FRMPD1: variants seen among roughly 807,000 people sequenced by gnomAD.
The protein encoded by FRMPD1 is FERM and PDZ domain containing 1.
A neutral mutation model predicts 117.8 loss-of-function variants in FRMPD1; 76 were observed. The observed-to-expected ratio is 0.65, with a 90% CI of 0.54 to 0.78. FRMPD1 has a LOEUF of 0.78. Ranked by LOEUF, FRMPD1 falls within the 30% of genes least tolerant of loss-of-function variation. The pLI is 0.00. For missense variants in FRMPD1, 1,786 were observed against 1,964.5 expected, an observed-to-expected ratio of 0.91 and a Z score of 1.72; for synonymous variants, 783 against 770.4, an observed-to-expected ratio of 1.02 and a Z score of -0.27.
chr9:37,641,657 A>C, the FRMPD1 span, among the ~76,000 whole-genome samples: 1 of 152,168 alleles, frequency 6.6e-6, no homozygotes, highest in Non-Finnish European at 1.5e-5. Context: ...TTTTTAAGAA[A>C]ATCTAGATCA....
chr9:37,692,567 C>T (rs894065369), intron 1 of FRMPD1, 71 bp from the exon 2 acceptor site: 9 of 963,390 alleles, frequency 9.3e-6, no homozygotes, highest in African/African-American at 6.4e-5. Context: ...AAGGAAGCAT[C>T]GTCCTGATTT....
Position 37,746,893 on chromosome 9 carries a change from T to A in FRMPD1, c.*124T>A. The A allele has an allele frequency of 1.5e-6, 1 of 662,034 alleles. No homozygotes were observed. 41.0% of individuals were successfully genotyped at this position (662,034 alleles called of 1,614,324 possible). A position where few individuals can be genotyped will look rare whatever the true frequency, so the allele number is the denominator to read the frequency against. ...TATATAGAGTATTCAAATAAACTGC[T>A]GCTTAATCTTGGCCTGAGTCATAGA... On this transcript the variant is annotated 3_prime_UTR_variant, in exon 16 of 16. Transcript: ENST00000377765.
At chr9:37,651,523 T>C (rs935805865) in intron 1 of FRMPD1, among the ~76,000 whole-genome samples, 11 of 152,176 alleles carry the variant, frequency 7.2e-5, no homozygotes, top group African/African-American at 2.7e-4. Flanking sequence ...ATGCCTGTGT[T>C]GTCATTTTTT....
rs756217350 is a variant in FRMPD1 at position 37,745,115 on chromosome 9, C to T, written c.3083C>T (p.Ala1028Val). The T allele has an allele frequency of 2.5e-6, 4 of 1,613,902 alleles. No homozygotes were observed. Among genetic ancestry groups the T allele is most frequent in the Non-Finnish European group, 1.7e-6 (2 of 1,179,818 alleles). ...GDPNPDRACL[A>V]SNPGLNNVSQ... ...CCTAACCCAGACAGAGCCTGCCTGG[C>T]CAGCAACCCAGGACTAAATAATGTC... The change falls in exon 16 of 16, where the codon GCC becomes GTC. Residue 1028 changes from alanine (A) to valine (V), a missense_variant. Ala to Val is a moderately conservative substitution (Grantham distance 64). Transcript: ENST00000377765.
chr9:37,691,930 AAAG>A (rs1253710827), intron 1 of FRMPD1, among the ~76,000 whole-genome samples: 1 of 152,134 alleles, frequency 6.6e-6, no homozygotes, highest in Admixed American at 6.5e-5. Flanking sequence ...AAAGAAAAGA[AAAG>A]AAACTCTGGA....
upstream of FRMPD1, among the ~76,000 whole-genome samples, chr9:37,650,594 T>G (rs1464648930): frequency 6.6e-6 from 1 of 152,156 alleles, no homozygotes; most frequent in African/African-American, 2.4e-5. Context: ...GGGGGTCGTT[T>G]TGGGAACTCT....
At chr9:37,633,032 T>TA in the FRMPD1 span, among the ~76,000 whole-genome samples, 276 of 8,808 alleles carry the variant, frequency 0.031, 1 homozygote, top group African/African-American at 0.044. Context: ...TATATATATA[T>TA]TTTTCTTTTC....
chr9:37,692,794 G>A (rs1166543698), intron 2 of FRMPD1, 52 bp downstream of exon 2: 5 of 1,295,218 alleles, frequency 3.9e-6, no homozygotes, highest in Non-Finnish European at 5.6e-6. Context: ...GGTGTCCCGG[G>A]GGAGGAGCTT....
chr9:37,746,718 G>A lies in FRMPD1; in HGVS notation c.4686G>A (p.Thr1562=), dbSNP rs577312284. The stretch of plus-strand genomic sequence containing the variant: ...TGGCCCGTCAGTGCACGGCCCTCAC[G>A]GCCGCCGTGTTCTGTTTGACCCAGA... ...KLLARQCTAL[T]AAVFCLTQKF... Residue 1562 remains threonine (T), a synonymous_variant, in exon 16 of 16, where the codon ACG becomes ACA. Coordinates refer to ENST00000377765, the MANE Select transcript of FRMPD1 (RefSeq NM_014907.3). The A allele has an allele frequency of 2.5e-5, 40 of 1,614,028 alleles. No homozygotes were observed. The highest frequency in any genetic ancestry group is 2.0e-4 in the Admixed American group (12 of 60,034).
At chr9:37,655,769 C>T (rs1362155482) in intron 1 of FRMPD1, among the ~76,000 whole-genome samples, 1 of 152,068 alleles carries the variant, frequency 6.6e-6, no homozygotes, top group Non-Finnish European at 1.5e-5. Flanking sequence ...TCCCAAAGTG[C>T]TGAGATTACA....
In FRMPD1 at chr9:37,744,985, A is replaced by T; in HGVS notation, c.2953A>T (p.Arg985Trp). ...GSSGPDTAQA[R>W]PSQILPLSQD... ...ATCTGGCCCAGATACTGCTCAGGCA[A>T]GGCCTTCCCAAATCTTACCTCTATC... Residue 985 changes from arginine to tryptophan, a missense_variant, in exon 16 of 16, where the codon AGG becomes TGG. Transcript: ENST00000377765. 6.2e-7 allele frequency: 1 copy of T among 1,614,194 alleles called. No homozygotes were observed. Among genetic ancestry groups the T allele is most frequent in the Non-Finnish European group, 8.5e-7 (1 of 1,180,022 alleles).
At chr9:37,625,582 G>T in the FRMPD1 span, among the ~76,000 whole-genome samples, 1 of 152,282 alleles carries the variant, frequency 6.6e-6, no homozygotes, top group East Asian at 1.9e-4. Context: ...GTGCTTAGAG[G>T]GTCATCTGGT....
chr9:37,615,595 A>G, the FRMPD1 span, among the ~76,000 whole-genome samples: 4 of 152,158 alleles, frequency 2.6e-5, no homozygotes, highest in Admixed American at 6.5e-5. Flanking sequence ...ACTCTCAAGG[A>G]CAATCTCATT....
chr9:37,690,130 G>T (rs149630571), intron 1 of FRMPD1, among the ~76,000 whole-genome samples: 5 of 151,982 alleles, frequency 3.3e-5, no homozygotes, highest in African/African-American at 7.2e-5. Context: ...ACTTCTGTTA[G>T]ATGAATATTA....
In FRMPD1 at chr9:37,744,701, T is replaced by A; in HGVS notation, c.2669T>A (p.Met890Lys). ...PSPTVSSLQD[M>K]QGEPGLLETK... ...CCAACTGTGTCCTCTCTGCAGGACA[T>A]GCAGGGTGAGCCTGGCCTTCTGGAG... Residue 890 changes from methionine to lysine, a missense_variant, in exon 16 of 16, where the codon ATG becomes AAG. Physicochemically the swap from Met to Lys is moderately conservative, Grantham distance 95. Transcript: ENST00000377765. 2 of 1,613,946 alleles carry A rather than the reference T, an allele frequency of 1.2e-6. No individual in the cohort carries two copies. Among genetic ancestry groups the A allele is most frequent in the Non-Finnish European group, 1.7e-6 (2 of 1,179,916 alleles).
At chr9:37,707,627 C>G in intron 3 of FRMPD1, 54 bp downstream of exon 3, 1 of 1,377,462 alleles carries the variant, frequency 7.3e-7, no homozygotes. Flanking sequence ...GGGGAAATAG[C>G]CCCAAATCTC....
At chr9:37,675,420 A>T (rs1381121955) in intron 1 of FRMPD1, among the ~76,000 whole-genome samples, 1 of 88,924 alleles carries the variant, frequency 1.1e-5, no homozygotes, top group African/African-American at 4.1e-5. Context: ...GACTGTCTAA[A>T]AAAAAAAAAA....
At chr9:37,610,045 C>T in the FRMPD1 span, among the ~76,000 whole-genome samples, 1 of 152,240 alleles carries the variant, frequency 6.6e-6, no homozygotes, top group South Asian at 2.1e-4. Flanking sequence ...CGTCATGTTT[C>T]TTCCCAACTT....
rs892789497 is a variant in FRMPD1 at position 37,664,768 on chromosome 9, A to T, written c.-5+13674A>T. 4.6e-5 allele frequency among the ~76,000 whole-genome samples: 7 copies of T among 152,334 alleles called. No individual in the cohort carries two copies. In the South Asian group the frequency reaches 1.5e-3, roughly 32 times the overall value. ...ATAAAATCAGCAATAAAAGCAAAGA[A>T]AAGAACTGCAAACAGAAGCCCCCTT... On this transcript the variant is annotated intron_variant, in intron 1 of 15. Transcript: ENST00000377765.
Sources: gnomAD v4.1 joint callset for allele counts (sites outside exome capture counted in the v4.1 genomes callset) on GRCh38, gnomAD v4.1.1 for gene constraint, MANE v1.5 for transcripts, NCBI Gene and HGNC (gene_info 2026-07-23, HGNC 2026-07-21) for gene names.